PXT1: variants seen among roughly 807,000 people sequenced by gnomAD.
PXT1 encodes the protein peroxisomal testis enriched protein 1.
PXT1 carries 11 observed loss-of-function variants against 11.0 expected under a neutral mutation model. That is an observed-to-expected ratio of 1.00 (90% CI 0.63 to 1.66). The LOEUF (loss-of-function observed/expected upper bound fraction) is 1.66. PXT1 is among the 40% of genes most tolerant of loss of function. The pLI, the probability that PXT1 is intolerant of heterozygous loss-of-function variation, is 0.00. For synonymous variants in PXT1, 43 were observed against 51.4 expected (o/e 0.84, Z 0.70); for missense variants, 141 against 155.5 (o/e 0.91, Z 0.49).
At chr6:36,432,896 A>C (rs1169113998) in intron 2 of PXT1, among the ~76,000 whole-genome samples, 2 of 151,976 alleles carry the variant, frequency 1.3e-5, no homozygotes, top group Non-Finnish European at 2.9e-5. Context: ...GCATAGATGT[A>C]GAACTTCATA....
chr6:36,401,305 A>G (rs913147212), intron 3 of PXT1, among the ~76,000 whole-genome samples: 1 of 152,114 alleles, frequency 6.6e-6, no homozygotes, highest in East Asian at 1.9e-4. Flanking sequence ...GAAAACCTTG[A>G]TCTATACTTA....
At chr6:36,413,317 T>TGAGGCAG (rs896598722) in intron 3 of PXT1, among the ~76,000 whole-genome samples, 4 of 151,832 alleles carry the variant, frequency 2.6e-5, no homozygotes, top group Non-Finnish European at 5.9e-5. Context: ...CTCGGGAGGC[T>TGAGGCAG]GAGGCAGGAG....
intron 3 of PXT1, among the ~76,000 whole-genome samples, chr6:36,413,277 T>C (rs1052490361): frequency 1.3e-5 from 2 of 151,676 alleles, no homozygotes; most frequent in African/African-American, 4.9e-5. Context: ...ATTAGCTGGG[T>C]GTGGTGGTGG....
intron 4 of PXT1, 71 bp from the exon 5 acceptor site, chr6:36,391,945 T>A: frequency 1.0e-6 from 1 of 966,158 alleles, no homozygotes. Context: ...AATCCAAAGT[T>A]AAAAATTCAA....
At chr6:36,413,156 C>G (rs896185896) in intron 3 of PXT1, among the ~76,000 whole-genome samples, 2 of 152,058 alleles carry the variant, frequency 1.3e-5, no homozygotes, top group Non-Finnish European at 2.9e-5. Context: ...CGGTGGCTCA[C>G]GCCGGTAATC....
rs111371713 is a variant in PXT1 at position 36,394,071 on chromosome 6, G to A, written c.301-2197C>T. On this transcript the variant is annotated intron_variant, in intron 4 of 4. Transcript: ENST00000454782. ...CTTAGACTTTGTCCTGCTAGTAACC[G>A]AAAATCATTAAAGGATTTTTCTCCC... Among the ~76,000 whole-genome samples the A allele has an allele frequency of 4.7e-3, 717 of 152,274 alleles. 4 individuals are homozygous for A. Among genetic ancestry groups the A allele is most frequent in the African/African-American group, 0.016 (664 of 41,554 alleles).
intron 4 of PXT1, among the ~76,000 whole-genome samples, chr6:36,398,655 A>T (rs762226038): frequency 1.3e-5 from 2 of 152,212 alleles, no homozygotes; most frequent in Non-Finnish European, 2.9e-5. Flanking sequence ...CTTATATAAA[A>T]TGTCCAGAAT....
At position 36,391,867 on chromosome 6, in the gene PXT1, T is replaced by C. The variant is rs376398223; in HGVS notation, c.308A>G (p.Gln103Arg). 9 of 1,603,164 alleles carry C rather than the reference T, an allele frequency of 5.6e-6. No homozygotes were observed. The African/African-American group carries it at 1.2e-4, about 22-fold the overall frequency. The change falls in exon 5 of 5, where the codon CAA (glutamine) becomes CGA (arginine). Residue 103 changes from glutamine to arginine, a missense_variant. Gln to Arg is a conservative substitution (Grantham distance 43, BLOSUM62 1). Transcript: ENST00000454782. ...ATCTAGTGCATCTCTGCCATCCTGT[T>C]GAAGATCCTATTTGAAAAAAGGGAG... ...IDHRMVREDL[Q>R]QDGRDALDHF...
intron 3 of PXT1, among the ~76,000 whole-genome samples, chr6:36,415,119 G>A (rs1774429499): frequency 6.6e-6 from 1 of 152,114 alleles, no homozygotes; most frequent in Non-Finnish European, 1.5e-5. Context: ...AAGGCTCAAA[G>A]TCTCTTGCCA....
intron 3 of PXT1, among the ~76,000 whole-genome samples, chr6:36,420,196 T>C (rs1226209138): frequency 6.6e-6 from 1 of 152,176 alleles, no homozygotes; most frequent in African/African-American, 2.4e-5. Context: ...TATCTATCAA[T>C]CAAATTTTAC....
Position 36,391,704 on chromosome 6 carries a change from TG to T in PXT1, c.*65del. ...AGGGTGTTCTTCCCATCTGTCCCAG[TG>T]GGATTCATGTTTCTCAGAGGGTAAA... On this transcript the variant is annotated 3_prime_UTR_variant, in exon 5 of 5. Transcript: ENST00000454782. The T allele has an allele frequency of 9.6e-7, 1 of 1,037,106 alleles. No homozygotes were observed. The highest frequency in any genetic ancestry group is 1.5e-6 in the Non-Finnish European group (1 of 655,564). 64.2% of individuals were successfully genotyped at this position (1,037,106 alleles called of 1,614,324 possible). A position where few individuals can be genotyped will look rare whatever the true frequency, so the allele number is the denominator to read the frequency against.
chr6:36,402,808 T>C (rs778203646), intron 3 of PXT1, among the ~76,000 whole-genome samples: 5 of 152,274 alleles, frequency 3.3e-5, no homozygotes, highest in East Asian at 3.9e-4. Context: ...CTTTATCCAG[T>C]AGAGATAAAG....
chr6:36,432,869 C>A (rs770542269), intron 2 of PXT1, among the ~76,000 whole-genome samples: 1 of 151,826 alleles, frequency 6.6e-6, no homozygotes, highest in Non-Finnish European at 1.5e-5. Context: ...AAAGAAAACA[C>A]CCAGGCCTCT....
Position 36,390,801 on chromosome 6 carries a change from A to C in PXT1, c.*969T>G, listed in dbSNP as rs1774055293. On this transcript the variant is annotated 3_prime_UTR_variant, in exon 5 of 5. Transcript: ENST00000454782. ...AGAGAATGAGTGAAATACATTCCAC[A>C]GGCAAAGGGCCCACCAACCAATAAT... is the stretch of plus-strand genomic sequence containing the variant. The C allele has an allele frequency of 6.6e-6, 1 of 152,284 alleles. No individual in the cohort carries two copies. Among genetic ancestry groups the C allele is most frequent in the African/African-American group, 2.4e-5 (1 of 41,476 alleles). 9.4% of individuals were successfully genotyped at this position (152,284 alleles called of 1,614,324 possible). A position where few individuals can be genotyped will look rare whatever the true frequency, so the allele number is the denominator to read the frequency against.
chr6:36,416,322 C>T (rs557904638), intron 3 of PXT1, among the ~76,000 whole-genome samples: 4 of 152,248 alleles, frequency 2.6e-5, no homozygotes, highest in Admixed American at 6.5e-5. Flanking sequence ...GCACTCCTGC[C>T]TGGGCAACAG....
At chr6:36,424,015 G>A (rs970131178) in intron 3 of PXT1, among the ~76,000 whole-genome samples, 4 of 151,988 alleles carry the variant, frequency 2.6e-5, no homozygotes, top group Admixed American at 2.6e-4. Flanking sequence ...AAGTGAAACT[G>A]TAATTAGGAA....
Position 36,400,451 on chromosome 6 carries a change from C to A in PXT1, c.300+3G>T. On this transcript the variant is annotated splice_donor_region_variant and intron_variant, in intron 4 of 4. Transcript: ENST00000454782. ...GCCCTGGCTGGGGAAACTGAAGCCT[C>A]ACCTCTCGAACCATCCTATGATCAA... The A allele has an allele frequency of 6.2e-7, 1 of 1,613,230 alleles. No individual in the cohort carries two copies.
chr6:36,400,629 T>A, intron 3 of PXT1, 45 bp from the exon 4 acceptor site: 1 of 1,573,136 alleles, frequency 6.4e-7, no homozygotes, highest in African/African-American at 1.3e-5. Context: ...CCCACTTAAT[T>A]ATCTGTAAAA....
chr6:36,432,930 A>C (rs75333406), intron 2 of PXT1, among the ~76,000 whole-genome samples: 1 of 141,524 alleles, frequency 7.1e-6, no homozygotes, highest in Non-Finnish European at 1.5e-5. Context: ...CTCTAGCAGG[A>C]AAAAAAAAAA....
Sources: allele counts gnomAD v4.1 joint callset (sites outside exome capture counted in the v4.1 genomes callset), GRCh38; gene constraint gnomAD v4.1.1; transcripts MANE v1.5; gene names NCBI Gene and HGNC (gene_info 2026-07-23, HGNC 2026-07-21).